Variants in SEPTIN7 observed in about 807,000 individuals in gnomAD.
The protein encoded by SEPTIN7 is septin-7.
A neutral mutation model predicts 63.3 loss-of-function variants in SEPTIN7; 10 were observed. The observed-to-expected ratio is 0.16, with a 90% confidence interval of 0.10 to 0.27. The LOEUF (loss-of-function observed/expected upper bound fraction) is 0.27, where lower values mean the gene tolerates loss of function less well. Among genes scored for constraint, SEPTIN7 ranks in the 10% least tolerant of loss-of-function variants. SEPTIN7 has a pLI of 1.00. For synonymous variants in SEPTIN7, 131 were observed against 165.3 expected (o/e 0.79, Z 1.59); for missense variants, 310 against 521.0 (o/e 0.59, Z 3.94).
In SEPTIN7 at chr7:35,873,782, A is replaced by T; in HGVS notation, c.512+7A>T. The T allele has an allele frequency of 6.2e-7, 1 of 1,607,398 alleles. No individual in the cohort carries two copies. The highest frequency in any genetic ancestry group is 8.5e-7 in the Non-Finnish European group (1 of 1,177,524). On this transcript the variant is annotated splice_region_variant and intron_variant, in intron 6 of 13. Coordinates refer to ENST00000350320, the MANE Select transcript of SEPTIN7 (RefSeq NM_001788.6). ...TTGCTCCTTCAGGACATGGGTCAGT[A>T]CCTTGATACTTCTGATTCCTTTTTT...
chr7:35,829,264 C>G (rs138891596), intron 1 of SEPTIN7, among the ~76,000 whole-genome samples: 153 of 151,656 alleles, frequency 1.0e-3, no homozygotes, highest in African/African-American at 3.6e-3. Context: ...CTCAGCCTCC[C>G]GAATGGCTGG....
chr7:35,870,618 A>G (rs188044120), intron 4 of SEPTIN7, among the ~76,000 whole-genome samples: 32 of 152,258 alleles, frequency 2.1e-4, no homozygotes, highest in Admixed American at 1.6e-3. Context: ...GAGATGTTAG[A>G]TTTGACTGGG....
At chr7:35,900,333 T>C (rs1788242874) in intron 12 of SEPTIN7, 1 of 152,234 alleles carries the variant, frequency 6.6e-6, no homozygotes, top group African/African-American at 2.4e-5. Flanking sequence ...ACTACAGGAT[T>C]AGCATCCCTG....
intron 3 of SEPTIN7, among the ~76,000 whole-genome samples, chr7:35,851,992 A>G (rs773721309): frequency 1.1e-4 from 17 of 152,240 alleles, no homozygotes; most frequent in Middle Eastern, 3.4e-3. Flanking sequence ...TCCCTGTTTC[A>G]AATGTTTATT....
At chr7:35,838,863 T>C (rs892198650) in intron 3 of SEPTIN7, among the ~76,000 whole-genome samples, 2 of 152,244 alleles carry the variant, frequency 1.3e-5, no homozygotes, top group Admixed American at 6.5e-5. Context: ...GTTTATTTTT[T>C]AAATGGTTGA....
At chr7:35,881,852 GT>G (rs1465397352) in intron 7 of SEPTIN7, among the ~76,000 whole-genome samples, 18 of 152,078 alleles carry the variant, frequency 1.2e-4, no homozygotes, top group African/African-American at 4.3e-4. Flanking sequence ...TTAATAATAA[GT>G]TGTCTTCTCT....
intron 3 of SEPTIN7, among the ~76,000 whole-genome samples, chr7:35,835,670 A>C (rs1784050685): frequency 6.6e-6 from 1 of 152,222 alleles, no homozygotes; most frequent in South Asian, 2.1e-4. Flanking sequence ...AGAATGAATG[A>C]GAATGAGAAC....
At chr7:35,810,572 C>T (rs1157401244) in intron 1 of SEPTIN7, among the ~76,000 whole-genome samples, 2 of 152,150 alleles carry the variant, frequency 1.3e-5, no homozygotes, top group African/African-American at 4.8e-5. Context: ...ATCCGCCCGC[C>T]TTGGCCTCCC....
chr7:35,816,523 C>T (rs745445250), intron 1 of SEPTIN7, among the ~76,000 whole-genome samples: 2 of 152,124 alleles, frequency 1.3e-5, no homozygotes, highest in East Asian at 3.8e-4. Flanking sequence ...ATGGATAATG[C>T]TGCTGTGAAT....
At chr7:35,823,447 C>T (rs187084374) in intron 1 of SEPTIN7, among the ~76,000 whole-genome samples, 6 of 152,098 alleles carry the variant, frequency 3.9e-5, no homozygotes, top group African/African-American at 1.4e-4. Flanking sequence ...GTGATCTGCC[C>T]GCCTCAGCCT....
rs117548269 is a variant in SEPTIN7, at chr7:35,859,014, G to A, written c.170-4538G>A. On this transcript the variant is annotated intron_variant, in intron 3 of 13. Transcript: ENST00000350320. ...CTTAAAATCTCTTTTATTTATCTCC[G>A]CTCTAATCTTTGTTTTTTCTTGTTT... is the stretch of plus-strand genomic sequence containing the variant. 2.1e-3 allele frequency among the ~76,000 whole-genome samples: 315 copies of A among 152,044 alleles called. 1 individual carries two copies. The highest frequency in any genetic ancestry group is 3.5e-3 in the Non-Finnish European group (236 of 67,974).
chr7:35,834,389 A>G (rs1202891399), intron 3 of SEPTIN7, among the ~76,000 whole-genome samples: 2 of 152,034 alleles, frequency 1.3e-5, no homozygotes, highest in African/African-American at 2.4e-5. Flanking sequence ...GCATTTTTCC[A>G]AATGAAAAAA....
chr7:35,908,630 TGAG>T (rs565435540), downstream of SEPTIN7, among the ~76,000 whole-genome samples: 314 of 152,298 alleles, frequency 2.1e-3, no homozygotes, highest in African/African-American at 7.2e-3. Flanking sequence ...GTGGCATAGA[TGAG>T]GAGGCTAGCA....
intron 1 of SEPTIN7, among the ~76,000 whole-genome samples, chr7:35,831,092 C>T (rs1783812177): frequency 6.6e-6 from 1 of 152,104 alleles, no homozygotes; most frequent in Admixed American, 6.5e-5. Context: ...TTCCTGTATA[C>T]CTTCCTGGAT....
chr7:35,860,635 A>G (rs1000237486), intron 3 of SEPTIN7, among the ~76,000 whole-genome samples: 1 of 152,128 alleles, frequency 6.6e-6, no homozygotes, highest in African/African-American at 2.4e-5. Flanking sequence ...TGCATTTGAC[A>G]TTTATTTTCT....
chr7:35,828,377 C>T (rs1003446629), intron 1 of SEPTIN7, among the ~76,000 whole-genome samples: 1 of 151,996 alleles, frequency 6.6e-6, no homozygotes, highest in African/African-American at 2.4e-5. Context: ...CCTCGACCCC[C>T]TTCTTCTTTT....
At chr7:35,868,415 T>C (rs138550510) in intron 4 of SEPTIN7, among the ~76,000 whole-genome samples, 1 of 152,252 alleles carries the variant, frequency 6.6e-6, no homozygotes, top group East Asian at 1.9e-4. Context: ...GCTACAATGA[T>C]GATAGACAAA....
chr7:35,831,268 A>G (rs188066444), intron 1 of SEPTIN7: 372 of 189,710 alleles, frequency 2.0e-3, no homozygotes, highest in Non-Finnish European at 3.1e-3. Flanking sequence ...TGTTTAGAAA[A>G]AAGTCTGCCT....
chr7:35,801,044 A>T (rs1583467646), upstream of SEPTIN7: 6 of 476,490 alleles, frequency 1.3e-5, no homozygotes, highest in Non-Finnish European at 1.8e-5. Flanking sequence ...CGGGGGACGG[A>T]GGAGGGAGCG....
Sources: allele counts gnomAD v4.1 joint callset (sites outside exome capture counted in the v4.1 genomes callset), GRCh38; gene constraint gnomAD v4.1.1; transcripts MANE v1.5; gene names NCBI Gene and HGNC (gene_info 2026-07-23, HGNC 2026-07-21).